The following PIF1 variants were observed in gnomAD, a reference collection of about 807,000 sequenced individuals.
PIF1 encodes PIF1 5'-to-3' DNA helicase.
PIF1 carries 67 observed loss-of-function variants against 62.3 expected under a neutral mutation model. That is an observed-to-expected ratio of 1.08 (90% confidence interval 0.88 to 1.32). The LOEUF (loss-of-function observed/expected upper bound fraction) is 1.32, where lower values mean the gene tolerates loss of function less well. Among genes scored for constraint, PIF1 ranks in the 40% most tolerant of loss-of-function variants. PIF1 has a pLI of 0.00. For missense variants in PIF1, 886 were observed against 866.1 expected (o/e 1.02, Z -0.29); for synonymous variants, 364 against 379.5 (o/e 0.96, Z 0.47).
At position 64,824,047 on chromosome 15, in the gene PIF1, C is replaced by T; in HGVS notation, c.289G>A (p.Gly97Arg). The T allele has an allele frequency of 7.9e-7, 1 of 1,264,928 alleles. No homozygotes were observed. Among genetic ancestry groups the T allele is most frequent in the East Asian group, 3.2e-5 (1 of 31,554 alleles). 78.4% of individuals were successfully genotyped at this position (1,264,928 alleles called of 1,614,324 possible). A position where few individuals can be genotyped will look rare whatever the true frequency, so the allele number is the denominator to read the frequency against. ...TLRLPAHDTPGAGAVQLLLSD... is the reference protein window; with the variant it reads ...TLRLPAHDTPRAGAVQLLLSD... Reference sequence around the variant, plus strand: ...AGCAGCAGCTGCACTGCGCCGGCCCCGGGGGTGTCGTGGGCGGGGAGCCGC... The same window carrying T: ...AGCAGCAGCTGCACTGCGCCGGCCCTGGGGGTGTCGTGGGCGGGGAGCCGC... The change falls in exon 2 of 13, where the codon GGG (glycine) becomes AGG (arginine). Residue 97 changes from glycine to arginine, a missense_variant. Physicochemically the swap from Gly to Arg is moderately radical, Grantham distance 125. Transcript: ENST00000559239.
Position 64,816,162 on chromosome 15 carries a change from G to A in PIF1, c.*136C>T. ...TACTCTCCCTTTAACCCTGCCAGGA[G>A]GCTGAGAGTCCCTAAAAAATACAGA... On this transcript the variant is annotated 3_prime_UTR_variant, in exon 13 of 13. Transcript: ENST00000559239. The A allele has an allele frequency of 6.6e-7, 1 of 1,510,340 alleles. No homozygotes were observed. Among genetic ancestry groups the A allele is most frequent in the Admixed American group, 2.2e-5 (1 of 45,136 alleles). The allele number at this position is 1,510,340 out of a possible 1,614,324, so 93.6% of individuals were successfully genotyped here.
intron 8 of PIF1, 90 bp downstream of exon 8, chr15:64,819,757 C>T (rs1365388124): frequency 4.5e-6 from 7 of 1,566,320 alleles, no homozygotes; most frequent in Admixed American, 1.7e-5. Context: ...AGGTTGGGGG[C>T]CTAGGACCCA....
chr15:64,826,641 TATATATATATATATATATATATATACAC>T (rs2084371431), upstream of PIF1, among the ~76,000 whole-genome samples: 2 of 27,614 alleles, frequency 7.2e-5, no homozygotes, highest in South Asian at 9.0e-4. Context: ...TATATATATA[TATATATATATATATATATATATATACAC>T]ACACACACAC....
intron 9 of PIF1, 39 bp downstream of exon 9, chr15:64,819,078 G>C (rs757271448): frequency 7.3e-6 from 11 of 1,499,084 alleles, no homozygotes; most frequent in African/African-American, 1.4e-5. Flanking sequence ...ATGCGGGACA[G>C]CCCAAGCTCC....
At chr15:64,823,305 TG>T (rs2141115556) in intron 2 of PIF1, 1 of 152,704 alleles carries the variant, frequency 6.5e-6, no homozygotes, top group East Asian at 1.9e-4. Context: ...TGGAGTGCAG[TG>T]GCGCGATCTA....
In PIF1 at chr15:64,816,045, A is replaced by C; in HGVS notation, c.*253T>G. On this transcript the variant is annotated 3_prime_UTR_variant, in exon 13 of 13. Coordinates refer to ENST00000559239, the MANE Select transcript of PIF1 (RefSeq NM_001286496.2). Reference sequence around the variant, plus strand: ...CAGCTACCACACAGGCTCATTCTCAACTGGCACAGAAAGGGTTACTTCTGA... The same window carrying C: ...CAGCTACCACACAGGCTCATTCTCACCTGGCACAGAAAGGGTTACTTCTGA... 1 of 1,463,652 alleles carries C rather than the reference A, an allele frequency of 6.8e-7. No individual in the cohort carries two copies. Among genetic ancestry groups the C allele is most frequent in the Non-Finnish European group, 9.0e-7 (1 of 1,111,388 alleles). The allele number at this position is 1,463,652 out of a possible 1,614,324, so 90.7% of individuals were successfully genotyped here. A position where few individuals can be genotyped will look rare whatever the true frequency, so the allele number is the denominator to read the frequency against.
chr15:64,816,669 G>C lies in PIF1; in HGVS notation c.1771C>G (p.Leu591Val). The change falls in exon 12 of 13, where the codon CTA (leucine) becomes GTA (valine). Residue 591 changes from leucine to valine, a missense_variant. Leu to Val is a conservative substitution (Grantham distance 32, BLOSUM62 1). Coordinates refer to ENST00000559239, the MANE Select transcript of PIF1 (RefSeq NM_001286496.2). ...ATGGGGTCAAAGTCCAGCACACGTA[G>C]GCCCTGCAGGCTGCGGGCCCGAGAA... ...ALSRARSLQG[L>V]RVLDFDPMAV... 2 of 1,613,992 alleles carry C rather than the reference G, an allele frequency of 1.2e-6. No homozygotes were observed. Among genetic ancestry groups the C allele is most frequent in the Non-Finnish European group, 1.7e-6 (2 of 1,180,008 alleles).
chr15:64,815,761 T>C lies in PIF1; in HGVS notation c.*537A>G. 1.9e-6 allele frequency: 3 copies of C among 1,550,652 alleles called. No individual in the cohort carries two copies. The highest frequency in any genetic ancestry group is 2.6e-6 in the Non-Finnish European group (3 of 1,147,010). On this transcript the variant is annotated 3_prime_UTR_variant, in exon 13 of 13. Transcript: ENST00000559239. ...ATATGGGTGCACATTTTGCAGCTTATGTTCTTTGGTTAGGCTCTGAAGGGT... is the reference window on the plus strand; with the variant it reads ...ATATGGGTGCACATTTTGCAGCTTACGTTCTTTGGTTAGGCTCTGAAGGGT...
chr15:64,826,673 C>T (rs1380286816), upstream of PIF1, among the ~76,000 whole-genome samples: 122 of 87,738 alleles, frequency 1.4e-3, no homozygotes, highest in Non-Finnish European at 1.9e-3. Context: ...TATACACACA[C>T]ACACACATAT....
Position 64,819,202 on chromosome 15 carries a change from G to A in PIF1, c.1355C>T (p.Ala452Val). ...GGCCAGCTCAGGGTTGCTGTCCATA[G>A]CCTCAAATCTGTGTACCTTACCTGG... Reference protein sequence around the residue: ...ELPGKVHRFEAMDSNPELAST... With the variant: ...ELPGKVHRFEVMDSNPELAST... The change falls in exon 9 of 13, where the codon GCT becomes GTT. Residue 452 changes from alanine (A) to valine (V), a missense_variant. Physicochemically the swap from Ala to Val is moderately conservative, Grantham distance 64 (BLOSUM62 0). Transcript: ENST00000559239. 1 of 1,604,600 alleles carries A rather than the reference G, an allele frequency of 6.2e-7. No individual in the cohort carries two copies. Among genetic ancestry groups the A allele is most frequent in the Non-Finnish European group, 8.5e-7 (1 of 1,176,986 alleles).
At chr15:64,823,695 C>A in intron 2 of PIF1, 83 bp downstream of exon 2, 1 of 1,098,880 alleles carries the variant, frequency 9.1e-7, no homozygotes, top group South Asian at 4.7e-5. Context: ...CCGGCTTCCC[C>A]TCAAACTTGG....
At chr15:64,821,666 G>A (rs2084291974) in intron 4 of PIF1, 146 bp from the exon 5 acceptor site, 2 of 887,172 alleles carry the variant, frequency 2.3e-6, no homozygotes, top group South Asian at 2.0e-5. Context: ...GGGCCTCATG[G>A]GCTCAAGCGA....
chr15:64,826,624 TTATATATATATATA>T (rs764170884), upstream of PIF1, among the ~76,000 whole-genome samples: 50 of 36,078 alleles, frequency 1.4e-3, 3 homozygotes, highest in East Asian at 0.024. Flanking sequence ...CCCAGCTAAT[TTATATATATATATA>T]TATATATATA....
Position 64,823,770 on chromosome 15 carries a change from G to A in PIF1, c.558+8C>T. On this transcript the variant is annotated splice_region_variant and intron_variant, in intron 2 of 12. Transcript: ENST00000559239. ...CTCCTAAAGGTGTCCCTTCTTTCCC[G>A]TCCTCACTGTGCTAGGCTCGGCCCC... 1.5e-6 allele frequency: 2 copies of A among 1,316,818 alleles called. No individual in the cohort carries two copies. The highest frequency in any genetic ancestry group is 5.6e-5 in the East Asian group (2 of 35,576). 81.6% of individuals were successfully genotyped at this position (1,316,818 alleles called of 1,614,324 possible).
In PIF1 at chr15:64,819,111, A is replaced by T; in HGVS notation, c.1440+6T>A. The T allele has an allele frequency of 1.3e-6, 2 of 1,578,322 alleles. No individual in the cohort carries two copies. Among genetic ancestry groups the T allele is most frequent in the South Asian group, 2.4e-5 (2 of 84,776 alleles). ...TCCCAGGGGCTAGGCCCTGCTTCCC[A>T]CTCACCTGGGCCCCCAGCTTTAGTT... On this transcript the variant is annotated splice_donor_region_variant and intron_variant, in intron 9 of 12. Transcript: ENST00000559239.
chr15:64,818,053 C>G lies in PIF1; in HGVS notation c.1567G>C (p.Val523Leu). ...QVRFLCGVTE[V>L]IHADRWTVQA... ...ACCGTCCAGCGGTCAGCGTGGATGA[C>G]CTCAGTGACTCCACACAGGAACCGC... Residue 523 changes from valine to leucine, a missense_variant, in exon 11 of 13, where the codon GTC becomes CTC. Transcript: ENST00000559239. 1 of 1,613,946 alleles carries G rather than the reference C, an allele frequency of 6.2e-7. No individual in the cohort carries two copies. Among genetic ancestry groups the G allele is most frequent in the Non-Finnish European group, 8.5e-7 (1 of 1,179,958 alleles).
upstream of PIF1, among the ~76,000 whole-genome samples, chr15:64,826,635 T>TAC (rs1595820890): frequency 1.1e-4 from 2 of 18,886 alleles, no homozygotes; most frequent in African/African-American, 1.5e-4. Context: ...TATATATATA[T>TAC]ATATATATAT....
chr15:64,820,179 G>C (rs550161134), intron 7 of PIF1, among the ~76,000 whole-genome samples, 193 bp from the exon 8 acceptor site: 3 of 152,310 alleles, frequency 2.0e-5, no homozygotes, highest in African/African-American at 7.2e-5. Context: ...TGGGGAATAA[G>C]CAGGGGCAGG....
intron 1 of PIF1, among the ~76,000 whole-genome samples, chr15:64,824,994 T>TACACACAC (rs200115381): frequency 7.6e-6 from 1 of 130,840 alleles, no homozygotes; most frequent in Non-Finnish European, 1.7e-5. Flanking sequence ...AATTTCTATA[T>TACACACAC]ATATACACAC....
Sources: gnomAD v4.1 joint callset for allele counts (sites outside exome capture counted in the v4.1 genomes callset) on GRCh38, gnomAD v4.1.1 for gene constraint, MANE v1.5 for transcripts, NCBI Gene and HGNC (gene_info 2026-07-23, HGNC 2026-07-21) for gene names.